SYCP2L: variants seen among roughly 807,000 people sequenced by gnomAD.
SYCP2L encodes the protein synaptonemal complex protein 2 like.
Under a neutral mutation model 125.8 loss-of-function variants are expected in SYCP2L, and 98 were observed. The ratio of observed to expected loss-of-function variants is 0.78; its 90% CI spans 0.66 to 0.92. The LOEUF is 0.92. SYCP2L is among the 40% of genes least tolerant of loss of function. The pLI is 0.00. For missense variants in SYCP2L, 842 were observed against 936.4 expected, an observed-to-expected ratio of 0.90 and a Z score of 1.32; for synonymous variants, 317 against 325.4, an observed-to-expected ratio of 0.97 and a Z score of 0.28.
chr6:10,896,036 C>A (rs531674991), intron 4 of SYCP2L, among the ~76,000 whole-genome samples: 1 of 152,222 alleles, frequency 6.6e-6, no homozygotes, highest in South Asian at 2.1e-4. Flanking sequence ...TGCCTGTAAT[C>A]CCAGCTACTT....
intron 8 of SYCP2L, among the ~76,000 whole-genome samples, chr6:10,903,348 A>C (rs2113302834): frequency 6.6e-6 from 1 of 152,292 alleles, no homozygotes; most frequent in Middle Eastern, 3.4e-3. Flanking sequence ...GGAGATCGAG[A>C]CCATCCTGGC....
chr6:10,936,821 C>A (rs1781104290), intron 21 of SYCP2L, among the ~76,000 whole-genome samples: 1 of 152,156 alleles, frequency 6.6e-6, no homozygotes, highest in African/African-American at 2.4e-5. Flanking sequence ...GCAAAATAGA[C>A]TTTCTGTCAA....
chr6:10,924,765 C>A, intron 15 of SYCP2L, 124 bp downstream of exon 15: 1 of 866,572 alleles, frequency 1.2e-6, no homozygotes, highest in Non-Finnish European at 1.6e-6. Flanking sequence ...TTTCAAATGC[C>A]ATGTAAAAAA....
chr6:10,887,112 C>T lies in SYCP2L; in HGVS notation c.-15C>T, dbSNP rs773004544. ...GCTGAGCGGCGCGTCGCTTCAGGAACGAAGAAGCCTCGTTATGCAAGCGGT... is the reference window on the plus strand; with the variant it reads ...GCTGAGCGGCGCGTCGCTTCAGGAATGAAGAAGCCTCGTTATGCAAGCGGT... On this transcript the variant is annotated 5_prime_UTR_variant, in exon 1 of 30. It adds an upstream start codon to the 5' untranslated region. Coordinates refer to ENST00000283141, the MANE Select transcript of SYCP2L (RefSeq NM_001040274.3). 6.2e-7 allele frequency: 1 copy of T among 1,614,122 alleles called. No individual in the cohort carries two copies. Among genetic ancestry groups the T allele is most frequent in the Non-Finnish European group, 8.5e-7 (1 of 1,179,988 alleles).
At chr6:10,943,585 T>G (rs1282959846) in intron 23 of SYCP2L, among the ~76,000 whole-genome samples, 1 of 152,162 alleles carries the variant, frequency 6.6e-6, no homozygotes. Flanking sequence ...TGAACATCTG[T>G]GTAACCACAG....
At chr6:10,910,980 A>G (rs1468302952) in intron 12 of SYCP2L, 111 bp downstream of exon 12, 1 of 1,154,604 alleles carries the variant, frequency 8.7e-7, no homozygotes, top group African/African-American at 1.5e-5. Flanking sequence ...GGCTTTTTAA[A>G]AAAGGATGCC....
intron 14 of SYCP2L, among the ~76,000 whole-genome samples, chr6:10,915,937 A>G (rs1044620162): frequency 2.6e-5 from 4 of 152,150 alleles, no homozygotes; most frequent in African/African-American, 9.7e-5. Flanking sequence ...TCTGCTGTGA[A>G]TCTGTCTGGT....
At chr6:10,932,762 T>C (rs182997349) in intron 20 of SYCP2L, among the ~76,000 whole-genome samples, 2 of 151,214 alleles carry the variant, frequency 1.3e-5, no homozygotes, top group Non-Finnish European at 3.0e-5. Flanking sequence ...TCAAAAAAAA[T>C]TTTTTTTTTG....
At chr6:10,967,275 G>C (rs1016467490) in intron 29 of SYCP2L, among the ~76,000 whole-genome samples, 1 of 151,668 alleles carries the variant, frequency 6.6e-6, no homozygotes, top group Admixed American at 6.6e-5. Flanking sequence ...AAGGAAAAAG[G>C]GAAAAAAAGA....
At chr6:10,910,747 T>G in intron 11 of SYCP2L, 77 bp from the exon 12 acceptor site, 7 of 1,484,186 alleles carry the variant, frequency 4.7e-6, no homozygotes, top group Non-Finnish European at 6.6e-6. Flanking sequence ...TAGTTATAAG[T>G]GCTTGTTGCG....
chr6:10,922,157 A>T (rs182920348), intron 14 of SYCP2L, among the ~76,000 whole-genome samples: 18 of 152,270 alleles, frequency 1.2e-4, no homozygotes, highest in Admixed American at 9.8e-4. Context: ...AGCTTTCAGG[A>T]GTCAACTTGC....
intron 21 of SYCP2L, among the ~76,000 whole-genome samples, chr6:10,941,523 A>G (rs1325436288): frequency 2.0e-5 from 3 of 152,254 alleles, no homozygotes; most frequent in Non-Finnish European, 2.9e-5. Context: ...GAAGACATTT[A>G]TGCAGCCAAC....
intron 21 of SYCP2L, among the ~76,000 whole-genome samples, chr6:10,937,703 CAAAA>C (rs982006405): frequency 6.6e-6 from 1 of 151,188 alleles, no homozygotes; most frequent in Admixed American, 6.6e-5. Flanking sequence ...AGAGAGGACT[CAAAA>C]AAAACTGTTA....
intron 14 of SYCP2L, among the ~76,000 whole-genome samples, chr6:10,915,503 C>T (rs1780678602): frequency 1.3e-5 from 2 of 152,084 alleles, no homozygotes; most frequent in Admixed American, 1.3e-4. Flanking sequence ...CCTTGTATGC[C>T]GATTTTGCTG....
chr6:10,956,003 A>G (rs1225752), intron 24 of SYCP2L, 133 bp from the exon 25 acceptor site: 630,816 of 659,868 alleles, frequency 0.96, 302,875 homozygotes, highest in Non-Finnish European at 0.99. Flanking sequence ...GGTCATGTCC[A>G]GGCAGTCAGC....
chr6:10,970,822 G>A (rs1303310876), intron 29 of SYCP2L, among the ~76,000 whole-genome samples: 1 of 152,132 alleles, frequency 6.6e-6, no homozygotes, highest in Admixed American at 6.5e-5. Flanking sequence ...AGTTGACCTA[G>A]GGACTCAGTA....
At chr6:10,894,265 A>T in intron 4 of SYCP2L, 61 bp downstream of exon 4, 1 of 1,566,816 alleles carries the variant, frequency 6.4e-7, no homozygotes, top group Non-Finnish European at 8.6e-7. Context: ...AGGTGGATTT[A>T]GTTGTCTAGT....
intron 14 of SYCP2L, among the ~76,000 whole-genome samples, chr6:10,920,987 A>G (rs1780790573): frequency 6.6e-6 from 1 of 152,186 alleles, no homozygotes; most frequent in African/African-American, 2.4e-5. Flanking sequence ...AGATCATCCC[A>G]TCACCTAAGT....
chr6:10,930,323 G>A (rs750001832), intron 18 of SYCP2L, 47 bp from the exon 19 acceptor site: 1 of 1,580,438 alleles, frequency 6.3e-7, no homozygotes, highest in Non-Finnish European at 8.6e-7. Flanking sequence ...TACATAAGAG[G>A]CACTAACACC....
Sources: gnomAD v4.1 joint callset for allele counts (sites outside exome capture counted in the v4.1 genomes callset) on GRCh38, gnomAD v4.1.1 for gene constraint, MANE v1.5 for transcripts, NCBI Gene and HGNC (gene_info 2026-07-23, HGNC 2026-07-21) for gene names.